Variants in PADI2 observed in about 807,000 individuals in gnomAD.
The protein encoded by PADI2 is peptidyl arginine deiminase 2.
A neutral mutation model predicts 81.1 loss-of-function variants in PADI2; 70 were observed. That is an observed-to-expected ratio of 0.86 (90% CI 0.71 to 1.05). PADI2 has a LOEUF of 1.05. Ranked by LOEUF, PADI2 falls within the 50% of genes least tolerant of loss-of-function variation. PADI2 has a pLI of 0.00. For missense variants in PADI2, 853 were observed against 889.9 expected (o/e 0.96, Z 0.53); for synonymous variants, 338 against 358.0 (o/e 0.94, Z 0.63).
chr1:17,074,842 C>T lies in PADI2; in HGVS notation c.1549+14G>A, dbSNP rs374979922. On this transcript the variant is annotated intron_variant, in intron 13 of 15. Coordinates refer to ENST00000375486, the MANE Select transcript of PADI2 (RefSeq NM_007365.3). The stretch of plus-strand genomic sequence containing the variant: ...CAGCTCGCCACTTCCTGTCAAGGCC[C>T]TGTGGCCACTCACCTTTGAACATGA... 1.1e-4 allele frequency: 175 copies of T among 1,571,006 alleles called. No homozygotes were observed. The African/African-American group carries it at 2.2e-3, about 20-fold the overall frequency.
chr1:17,104,457 C>T (rs111712202), intron 2 of PADI2, among the ~76,000 whole-genome samples: 76 of 3,174 alleles, frequency 0.024, 1 homozygote, highest in South Asian at 0.056. Flanking sequence ...TTTTTTGAGA[C>T]GGAGTCTCGC....
rs932784180 is a variant in PADI2, at chr1:17,079,746, C to T, written c.1159-331G>A. ...AAGCACAGATACATATTGGTGATTT[C>T]AGAATTAGTCCGCATTTTATGCTAT... On this transcript the variant is annotated intron_variant, in intron 10 of 15. Coordinates refer to ENST00000375486, the MANE Select transcript of PADI2 (RefSeq NM_007365.3). Among the ~76,000 whole-genome samples, 5 of 151,738 alleles carry T rather than the reference C, an allele frequency of 3.3e-5. No homozygotes were observed. The East Asian group carries it at 9.7e-4, about 29-fold the overall frequency.
chr1:17,075,400 G>A, intron 12 of PADI2: 1 of 413,186 alleles, frequency 2.4e-6, no homozygotes, highest in Non-Finnish European at 4.3e-6. Context: ...TGTCATGTGA[G>A]TAAAATCTTT....
chr1:17,084,502 T>C (rs1249736720), intron 8 of PADI2, 97 bp downstream of exon 8: 1 of 675,674 alleles, frequency 1.5e-6, no homozygotes, highest in African/African-American at 1.8e-5. Flanking sequence ...GGTAACACAG[T>C]GGTAAGTGAC....
chr1:17,106,043 C>G (rs1315010039), intron 1 of PADI2, among the ~76,000 whole-genome samples: 1 of 152,088 alleles, frequency 6.6e-6, no homozygotes, highest in African/African-American at 2.4e-5. Context: ...CCCAGGGTCG[C>G]TGAGTAAAGT....
chr1:17,099,970 T>C (rs1931082638), intron 3 of PADI2, among the ~76,000 whole-genome samples: 1 of 151,918 alleles, frequency 6.6e-6, no homozygotes, highest in African/African-American at 2.4e-5. Context: ...GGACTCAGGA[T>C]AGGACCAGGG....
intron 1 of PADI2, among the ~76,000 whole-genome samples, chr1:17,114,781 T>C (rs1304253051): frequency 6.6e-6 from 1 of 151,998 alleles, no homozygotes; most frequent in Non-Finnish European, 1.5e-5. Flanking sequence ...GTCAGGCTTG[T>C]GGGGATCTGG....
intron 4 of PADI2, among the ~76,000 whole-genome samples, chr1:17,094,981 C>T (rs573333531): frequency 6.6e-6 from 1 of 152,340 alleles, no homozygotes; most frequent in South Asian, 2.1e-4. Context: ...AGAACCCTCT[C>T]CTGACCTGCA....
At chr1:17,117,218 G>T (rs1034561664) in intron 1 of PADI2, among the ~76,000 whole-genome samples, 32 of 152,210 alleles carry the variant, frequency 2.1e-4, no homozygotes, top group Non-Finnish European at 5.9e-5. Flanking sequence ...GCTGAGATGT[G>T]CTGAAGTGTA....
chr1:17,091,302 T>C (rs938433884), intron 6 of PADI2, among the ~76,000 whole-genome samples: 3 of 149,612 alleles, frequency 2.0e-5, no homozygotes, highest in African/African-American at 7.4e-5. Flanking sequence ...CAGCTGGGCA[T>C]GCAGAAGCCT....
rs529791946 is a variant in PADI2 at position 17,091,156 on chromosome 1, C to T, written c.655+1252G>A. Among the ~76,000 whole-genome samples the T allele has an allele frequency of 1.1e-4, 16 of 150,988 alleles. No homozygotes were observed. In the South Asian group the frequency reaches 3.0e-3, roughly 28 times the overall value. ...AGACTGGTATTGGGTGGCTGCTGGCCACTGCCATCCTGGCTAAATATCTCC... is the reference window on the plus strand; with the variant it reads ...AGACTGGTATTGGGTGGCTGCTGGCTACTGCCATCCTGGCTAAATATCTCC... On this transcript the variant is annotated intron_variant, in intron 6 of 15. Coordinates refer to ENST00000375486, the MANE Select transcript of PADI2 (RefSeq NM_007365.3).
chr1:17,069,403 C>T (rs552174347), intron 15 of PADI2, 126 bp from the exon 16 acceptor site: 66 of 716,994 alleles, frequency 9.2e-5, no homozygotes, highest in African/African-American at 7.4e-4. Flanking sequence ...TGGATAGGGA[C>T]GGAGTGGGGC....
intron 6 of PADI2, among the ~76,000 whole-genome samples, chr1:17,090,453 G>A (rs1178417463): frequency 6.6e-6 from 1 of 152,226 alleles, no homozygotes; most frequent in African/African-American, 2.4e-5. Flanking sequence ...GGGAGAGCTG[G>A]TCTGACCCTA....
intron 10 of PADI2, among the ~76,000 whole-genome samples, chr1:17,081,058 C>A (rs552698672): frequency 6.6e-6 from 1 of 152,216 alleles, no homozygotes; most frequent in Non-Finnish European, 1.5e-5. Context: ...CAAGGAACAA[C>A]GCAGCCTGGG....
At chr1:17,076,498 C>A (rs1435386688) in intron 11 of PADI2, among the ~76,000 whole-genome samples, 1 of 152,160 alleles carries the variant, frequency 6.6e-6, no homozygotes, top group African/African-American at 2.4e-5. Flanking sequence ...CAGGTGTGAG[C>A]CACTGTGCCT....
At chr1:17,080,710 G>A (rs1373620936) in intron 10 of PADI2, among the ~76,000 whole-genome samples, 1 of 152,214 alleles carries the variant, frequency 6.6e-6, no homozygotes, top group Non-Finnish European at 1.5e-5. Flanking sequence ...ATTGGAGTTA[G>A]CCCGCAAGTC....
At chr1:17,079,240 T>C in intron 11 of PADI2, 24 bp downstream of exon 11, 1 of 1,607,376 alleles carries the variant, frequency 6.2e-7, no homozygotes, top group Non-Finnish European at 8.5e-7. Flanking sequence ...CCACAGCCCC[T>C]AGCCCCAGCC....
In PADI2 at chr1:17,104,987, C is replaced by T; in HGVS notation, c.167G>A (p.Gly56Glu). 6.2e-7 allele frequency: 1 copy of T among 1,606,716 alleles called. No individual in the cohort carries two copies. Among genetic ancestry groups the T allele is most frequent in the Admixed American group, 1.7e-5 (1 of 59,618 alleles). ...EHVWVEVVRD[G>E]EAEEVATNGK... Reference sequence around the variant, plus strand: ...ATTGGTGGCCACCTCCTCAGCCTCCCCATCACGCACCACCTCCACCCACAC... The same window carrying T: ...ATTGGTGGCCACCTCCTCAGCCTCCTCATCACGCACCACCTCCACCCACAC... The change falls in exon 2 of 16, where the codon GGG becomes GAG. Residue 56 changes from glycine to glutamate, a missense_variant. Transcript: ENST00000375486.
At chr1:17,075,646 C>T in intron 12 of PADI2, 33 bp downstream of exon 12, 1 of 1,593,866 alleles carries the variant, frequency 6.3e-7, no homozygotes, top group Admixed American at 1.8e-5. Context: ...TTGCTGCTAC[C>T]CCATTCACTC....
Sources: gnomAD v4.1 joint callset for allele counts (sites outside exome capture counted in the v4.1 genomes callset) on GRCh38, gnomAD v4.1.1 for gene constraint, MANE v1.5 for transcripts, NCBI Gene and HGNC (gene_info 2026-07-23, HGNC 2026-07-21) for gene names.